Variants in WNK3 observed in about 807,000 individuals in gnomAD.
The protein encoded by WNK3 is serine/threonine-protein kinase WNK3.
Under a neutral mutation model 116.7 loss-of-function variants are expected in WNK3, and 18 were observed. That is an observed-to-expected ratio of 0.15 (90% CI 0.11 to 0.23). WNK3 has a LOEUF of 0.23. Ranked by LOEUF, WNK3 falls within the 10% of genes least tolerant of loss-of-function variation. The pLI is 1.00. For synonymous variants in WNK3, 404 were observed against 469.4 expected, an observed-to-expected ratio of 0.86 and a Z score of 1.80; for missense variants, 993 against 1,323.8, an observed-to-expected ratio of 0.75 and a Z score of 3.88.
chrX:54,252,944 TA>T (rs1303182996), intron 13 of WNK3, among the ~76,000 whole-genome samples: 10 of 105,983 alleles, frequency 9.4e-5, no homozygotes, highest in African/African-American at 2.7e-4. Context: ...TAGAAAATAA[TA>T]AAAAAAAATA....
intron 8 of WNK3, among the ~76,000 whole-genome samples, chrX:54,293,660 T>C (rs1402769485): frequency 1.8e-5 from 2 of 111,922 alleles, no homozygotes; most frequent in African/African-American, 6.5e-5. Context: ...GTAAAATATA[T>C]CATATTCTCT....
chrX:54,252,065 C>CAAAAAAAAAAAAAAAAAAAAAAAAA (rs782229094), intron 13 of WNK3, among the ~76,000 whole-genome samples: 1 of 29,906 alleles, frequency 3.3e-5, no homozygotes, highest in Non-Finnish European at 6.6e-5. Flanking sequence ...AACTCTGTCT[C>CAAAAAAAAAAAAAAAAAAAAAAAAA]AAAAAAAAAA....
chrX:54,340,615 T>A (rs782620076), intron 1 of WNK3, among the ~76,000 whole-genome samples: 1,042 of 83,033 alleles, frequency 0.013, 8 homozygotes, highest in African/African-American at 0.042. Context: ...TGAGTAAAAA[T>A]AAAAAAAAAA....
Position 54,246,581 on chromosome X carries a change from A to G in WNK3, c.3651+2116T>C, listed in dbSNP as rs1197380428. ...AATCTTCAAATTCGAAACATCCACA[A>G]AAGTGATATACAAAATGAATGGGAA... On this transcript the variant is annotated intron_variant, in intron 17 of 23. Transcript: ENST00000354646. Among the ~76,000 whole-genome samples the G allele has an allele frequency of 2.7e-5, 3 of 111,941 alleles. No homozygotes were observed. The Admixed American group carries it at 2.9e-4, about 11-fold the overall frequency.
At chrX:54,273,275 A>C (rs1486803306) in intron 10 of WNK3, among the ~76,000 whole-genome samples, 2 of 112,214 alleles carry the variant, frequency 1.8e-5, no homozygotes, top group Non-Finnish European at 3.8e-5. Context: ...ATACTCTAGA[A>C]AGCAACAGAA....
chrX:54,303,681 G>T (rs1326528306), intron 5 of WNK3, among the ~76,000 whole-genome samples: 2 of 110,682 alleles, frequency 1.8e-5, no homozygotes, highest in Non-Finnish European at 3.8e-5. Flanking sequence ...AAATAATAAA[G>T]TCACTATTCA....
At chrX:54,239,029 G>T in exon 18 of WNK3, 2 of 1,209,217 alleles carry the variant, frequency 1.7e-6, no homozygotes, top group Non-Finnish European at 2.2e-6. Flanking sequence ...CAGATGAATG[G>T]CTCCACCGCT....
chrX:54,241,300 G>A lies in WNK3; in HGVS notation c.3652-2201C>T, dbSNP rs1309149844. ...CCCACAATTACTGAAGGAAAGTTAC[G>A]GTAATTACATAAAACACTTACAGAC... On this transcript the variant is annotated intron_variant, in intron 17 of 23. Transcript: ENST00000354646. Among the ~76,000 whole-genome samples the A allele has an allele frequency of 4.5e-5, 5 of 111,613 alleles. No homozygotes were observed. The Admixed American group carries it at 4.8e-4, about 11-fold the overall frequency.
intron 1 of WNK3, among the ~76,000 whole-genome samples, chrX:54,354,318 C>T (rs1557179013): frequency 2.7e-5 from 3 of 112,015 alleles, no homozygotes; most frequent in Admixed American, 1.9e-4. Context: ...ATGTTATGAT[C>T]TCAAACAAAG....
intron 2 of WNK3, among the ~76,000 whole-genome samples, chrX:54,314,834 C>G (rs1215163438): frequency 1.2e-4 from 13 of 111,437 alleles, no homozygotes; most frequent in African/African-American, 4.2e-4. Flanking sequence ...TGGATAGCCT[C>G]CCTTTCCAGA....
At chrX:54,311,360 A>C in intron 2 of WNK3, 69 bp from the exon 3 acceptor site, 1 of 851,574 alleles carries the variant, frequency 1.2e-6, no homozygotes, top group Non-Finnish European at 1.7e-6. Context: ...ATACCACTCA[A>C]CTGAATGCTT....
chrX:54,204,114 G>A (rs782001579), intron 22 of WNK3, among the ~76,000 whole-genome samples: 1 of 111,366 alleles, frequency 9.0e-6, no homozygotes, highest in African/African-American at 3.3e-5. Flanking sequence ...ATTCAAAGGT[G>A]ATTAAATATT....
intron 10 of WNK3, among the ~76,000 whole-genome samples, chrX:54,291,458 T>C (rs1373690959): frequency 8.9e-6 from 1 of 112,436 alleles, no homozygotes; most frequent in African/African-American, 3.2e-5. Context: ...AACATTTTGA[T>C]AATTAAATTT....
chrX:54,240,550 G>A (rs952573554), intron 17 of WNK3, among the ~76,000 whole-genome samples: 7 of 111,662 alleles, frequency 6.3e-5, no homozygotes, highest in East Asian at 5.6e-4. Context: ...ATTTGTTCTA[G>A]CCTTCCTTAT....
intron 10 of WNK3, among the ~76,000 whole-genome samples, chrX:54,291,183 C>T (rs1281791989): frequency 7.3e-5 from 8 of 110,228 alleles, no homozygotes; most frequent in African/African-American, 9.9e-5. Flanking sequence ...CATGGTGGCA[C>T]GTGCCTGTAG....
At chrX:54,331,643 T>C (rs1460289791) in intron 2 of WNK3, among the ~76,000 whole-genome samples, 1 of 111,499 alleles carries the variant, frequency 9.0e-6, no homozygotes. Flanking sequence ...AGTAACTTGC[T>C]TTCTAAAGAG....
chrX:54,321,174 G>T (rs2069028889), intron 2 of WNK3, among the ~76,000 whole-genome samples: 1 of 112,019 alleles, frequency 8.9e-6, no homozygotes, highest in Admixed American at 9.5e-5. Flanking sequence ...TGGGATTACA[G>T]GCGTGAGCTA....
chrX:54,239,162 GA>G (rs2067996388), intron 17 of WNK3, 63 bp from the exon 18 acceptor site: 1 of 592,615 alleles, frequency 1.7e-6, no homozygotes, highest in African/African-American at 2.7e-5. Flanking sequence ...AAACAACCGA[GA>G]AAAACCAAAG....
At chrX:54,248,801 A>G (rs1557153236) in exon 17 of WNK3, 1 of 1,211,462 alleles carries the variant, frequency 8.3e-7, no homozygotes, top group Non-Finnish European at 1.1e-6. Context: ...AGAAGCTTAG[A>G]GCCTGTCTGT....
Sources: allele counts gnomAD v4.1 joint callset (sites outside exome capture counted in the v4.1 genomes callset), GRCh38; gene constraint gnomAD v4.1.1; transcripts MANE v1.5; gene names NCBI Gene and HGNC (gene_info 2026-07-23, HGNC 2026-07-21).